The following NR3C1 variants were observed in gnomAD, a reference collection of about 807,000 sequenced individuals.
NR3C1 encodes nuclear receptor subfamily 3 group C member 1, also known as glucocorticoid receptor.
Under a neutral mutation model 74.0 loss-of-function variants are expected in NR3C1, and 14 were observed. The observed-to-expected ratio is 0.19, with a 90% confidence interval of 0.12 to 0.30. The LOEUF is 0.30. Ranked by LOEUF, NR3C1 falls within the 10% of genes least tolerant of loss-of-function variation. The probability of loss-of-function intolerance (pLI) is 1.00; values close to 1 mark genes in which losing one functional copy is unlikely to be tolerated. For missense variants in NR3C1, 695 were observed against 909.8 expected, an observed-to-expected ratio of 0.76 and a Z score of 3.04; for synonymous variants, 308 against 332.5, an observed-to-expected ratio of 0.93 and a Z score of 0.80.
At chr5:143,310,249 G>T in intron 3 of NR3C1, 36 bp from the exon 4 acceptor site, 2 of 1,403,504 alleles carry the variant, frequency 1.4e-6, no homozygotes, top group Non-Finnish European at 2.0e-6. Flanking sequence ...AAGTTTCACA[G>T]GTCTTCAAAC....
chr5:143,398,141 AAAATTTGC>A, intron 2 of NR3C1, among the ~76,000 whole-genome samples: 1 of 152,170 alleles, frequency 6.6e-6, no homozygotes, highest in East Asian at 1.9e-4. Context: ...TCTATTGCCA[AAAATTTGC>A]AATTGAAAAT....
rs146116176 is a variant in NR3C1, at chr5:143,310,240, A to G, written c.1352-27T>C. The G allele has an allele frequency of 3.1e-5, 46 of 1,472,252 alleles. No homozygotes were observed. In the East Asian group the frequency reaches 1.0e-3, roughly 33 times the overall value. 91.2% of individuals were successfully genotyped at this position (1,472,252 alleles called of 1,614,324 possible). On this transcript the variant is annotated intron_variant, in intron 3 of 8. Transcript: ENST00000394464. The stretch of plus-strand genomic sequence containing the variant: ...TATATGGAATAAAAGGCACTATTAA[A>G]GTTTCACAGGTCTTCAAACATATTT...
At chr5:143,293,166 G>A (rs933140929) in intron 7 of NR3C1, among the ~76,000 whole-genome samples, 4 of 151,984 alleles carry the variant, frequency 2.6e-5, no homozygotes, top group African/African-American at 9.7e-5. Flanking sequence ...AAGAAAATGT[G>A]GTATATATAT....
At chr5:143,348,604 T>G (rs985268802) in intron 2 of NR3C1, among the ~76,000 whole-genome samples, 2 of 152,182 alleles carry the variant, frequency 1.3e-5, no homozygotes, top group Non-Finnish European at 2.9e-5. Flanking sequence ...TTGTGCTTTT[T>G]GTTGGGAATT....
chr5:143,291,906 A>C (rs1020366830), intron 7 of NR3C1, among the ~76,000 whole-genome samples: 1 of 152,112 alleles, frequency 6.6e-6, no homozygotes, highest in African/African-American at 2.4e-5. Flanking sequence ...AGGTATTGTA[A>C]ATTCCCTATC....
chr5:143,399,825 C>T lies in NR3C1; in HGVS notation c.1015G>A (p.Ala339Thr). ...GQMYHYDMNT[A>T]SLSQQQDQKP... ...TGATCCTGCTGTTGAGAAAGGGATG[C>T]TGTATTCATGTCATAGTGGTACATC... is the stretch of plus-strand genomic sequence containing the variant. The change falls in exon 2 of 9, where the codon GCA becomes ACA. Residue 339 changes from alanine (A) to threonine (T), a missense_variant. Ala to Thr is a moderately conservative substitution (Grantham distance 58). Around this residue, in one of 4 missense-constraint regions of NR3C1, gnomAD observed 497 missense variants for 489.5 expected, o/e 1.02. Transcript: ENST00000394464. The T allele has an allele frequency of 1.9e-6, 3 of 1,614,180 alleles. No individual in the cohort carries two copies. The highest frequency in any genetic ancestry group is 3.3e-4 in the Middle Eastern group (2 of 6,062).
In NR3C1 at chr5:143,300,661, G is replaced by A. The variant is rs1466324542; in HGVS notation, c.1571C>T (p.Thr524Met). 1.2e-6 allele frequency: 2 copies of A among 1,614,112 alleles called. No individual in the cohort carries two copies. Among genetic ancestry groups the A allele is most frequent in the Non-Finnish European group, 1.7e-6 (2 of 1,180,018 alleles). Residue 524 changes from threonine (T) to methionine (M), a missense_variant, in exon 5 of 9, where the codon ACG becomes ATG. This residue lies in a region of NR3C1 where 42 missense variants were observed against 49.3 expected (regional missense o/e 0.85). Transcript: ENST00000394464. The surrounding 1 kb of genome is among the most constrained non-coding windows in gnomAD (Gnocchi z 5.2). ...CAGGGTAGGGGTGAGTTGTGGTAAC[G>A]TTGCAGGAACTATTGTTTTGTTACC... ...NPGNKTIVPATLPQLTPTLVS... is the reference protein window; with the variant it reads ...NPGNKTIVPAMLPQLTPTLVS...
At chr5:143,305,810 A>T (rs578174937) in intron 4 of NR3C1, among the ~76,000 whole-genome samples, 1 of 152,328 alleles carries the variant, frequency 6.6e-6, no homozygotes, top group South Asian at 2.1e-4. Context: ...TGAAAGGTTC[A>T]ATCATACTCC....
intron 3 of NR3C1, among the ~76,000 whole-genome samples, chr5:143,313,017 A>G (rs1821305355): frequency 6.6e-6 from 1 of 152,238 alleles, no homozygotes; most frequent in Admixed American, 6.5e-5. Context: ...AGTAAAACAA[A>G]AGAAAATGAC....
At chr5:143,299,005 G>GTTTTTTTT (rs35039262) in intron 5 of NR3C1, among the ~76,000 whole-genome samples, 193 bp from the exon 6 acceptor site, 6 of 106,728 alleles carry the variant, frequency 5.6e-5, no homozygotes, top group Admixed American at 1.0e-4. Context: ...ACCCTCTTGT[G>GTTTTTTTT]TTTTTTTTTT....
At chr5:143,288,736 G>A (rs1018998021) in intron 7 of NR3C1, among the ~76,000 whole-genome samples, 2 of 152,084 alleles carry the variant, frequency 1.3e-5, no homozygotes, top group Admixed American at 1.3e-4. Flanking sequence ...GCCTCTCAAA[G>A]TGGTGGAATT....
intron 2 of NR3C1, among the ~76,000 whole-genome samples, chr5:143,333,636 C>T (rs866846961): frequency 1.8e-4 from 28 of 152,234 alleles, no homozygotes; most frequent in African/African-American, 6.5e-4. Flanking sequence ...GGTGTGGTGG[C>T]ACGTGCCTGT....
intron 2 of NR3C1, among the ~76,000 whole-genome samples, chr5:143,397,116 T>C (rs185392845): frequency 2.7e-4 from 41 of 151,974 alleles, no homozygotes; most frequent in African/African-American, 9.6e-4. Context: ...GATAATTCAA[T>C]GTTGTGGTGG....
intron 2 of NR3C1, among the ~76,000 whole-genome samples, chr5:143,330,695 G>A (rs1825769079): frequency 6.6e-6 from 1 of 152,194 alleles, no homozygotes; most frequent in South Asian, 2.1e-4. Context: ...CAAAGTCTAA[G>A]AGAAGTGGAA....
At chr5:143,346,637 A>G (rs532828926) in intron 2 of NR3C1, among the ~76,000 whole-genome samples, 91 of 152,332 alleles carry the variant, frequency 6.0e-4, no homozygotes, top group African/African-American at 2.0e-3. Context: ...CCACCAAAAT[A>G]ATGTTTATAT....
At chr5:143,380,789 T>C (rs1344119785) in intron 2 of NR3C1, among the ~76,000 whole-genome samples, 1 of 152,236 alleles carries the variant, frequency 6.6e-6, no homozygotes, top group Non-Finnish European at 1.5e-5. Context: ...ATCCACTTCC[T>C]AACTATAATC....
intron 2 of NR3C1, among the ~76,000 whole-genome samples, chr5:143,369,787 T>C (rs1833934773): frequency 6.6e-6 from 1 of 152,154 alleles, no homozygotes; most frequent in Admixed American, 6.5e-5. Context: ...TGTTCTACGG[T>C]GAAGTTTAAT....
intron 2 of NR3C1, among the ~76,000 whole-genome samples, chr5:143,321,138 A>T (rs1823279318): frequency 6.6e-6 from 1 of 152,242 alleles, no homozygotes; most frequent in Admixed American, 6.5e-5. Context: ...TAGGAACATG[A>T]TGTCTTCAGA....
At chr5:143,367,793 CTAAT>C (rs1310427498) in intron 2 of NR3C1, among the ~76,000 whole-genome samples, 2 of 152,212 alleles carry the variant, frequency 1.3e-5, no homozygotes, top group African/African-American at 4.8e-5. Flanking sequence ...GGAAGACCTA[CTAAT>C]TGTTATGATG....
Sources: gnomAD v4.1 joint callset for allele counts (sites outside exome capture counted in the v4.1 genomes callset) on GRCh38, gnomAD v4.1.1 for gene constraint, gnomAD v4.1.1 regional missense constraint, Gnocchi (gnomAD v3.1) non-coding constraint, MANE v1.5 for transcripts, NCBI Gene and HGNC (gene_info 2026-07-23, HGNC 2026-07-21) for gene names.